The following NRXN3 variants were observed in gnomAD, a reference collection of about 807,000 sequenced individuals.
NRXN3 encodes the protein neurexin 3.
NRXN3 carries 32 observed loss-of-function variants against 137.6 expected under a neutral mutation model. The ratio of observed to expected loss-of-function variants is 0.23; its 90% confidence interval spans 0.18 to 0.31. The LOEUF (loss-of-function observed/expected upper bound fraction) is 0.31, where lower values mean the gene tolerates loss of function less well. NRXN3 is among the 10% of genes least tolerant of loss of function. The pLI is 1.00. For synonymous variants in NRXN3, 798 were observed against 784.5 expected, an observed-to-expected ratio of 1.02 and a Z score of -0.29; for missense variants, 1,574 against 2,062.5, an observed-to-expected ratio of 0.76 and a Z score of 4.59.
At chr14:78,638,651 G>T (rs950169540) in intron 4 of NRXN3, among the ~76,000 whole-genome samples, 2 of 152,162 alleles carry the variant, frequency 1.3e-5, no homozygotes, top group Non-Finnish European at 2.9e-5. Flanking sequence ...TAACTTGGAT[G>T]TCTGCTCACA....
At chr14:79,840,429 ACTC>A (rs33945598) in intron 20 of NRXN3, among the ~76,000 whole-genome samples, 2,714 of 152,118 alleles carry the variant, frequency 0.018, 81 homozygotes, top group African/African-American at 0.063. Flanking sequence ...TGCAATTATG[ACTC>A]CTAAGGCTTA....
intron 6 of NRXN3, among the ~76,000 whole-genome samples, chr14:78,672,276 CAGA>C (rs1328992065): frequency 1.3e-5 from 2 of 152,176 alleles, no homozygotes; most frequent in South Asian, 2.1e-4. Context: ...TTACTCTTAA[CAGA>C]AGAACAAATG....
At chr14:79,768,982 G>A (rs955310610) in intron 19 of NRXN3, among the ~76,000 whole-genome samples, 1 of 151,758 alleles carries the variant, frequency 6.6e-6, no homozygotes, top group African/African-American at 2.4e-5. Flanking sequence ...GAACGCAGAA[G>A]CCTCAGGAGC....
chr14:78,335,620 A>T (rs1370652289), intron 4 of NRXN3, among the ~76,000 whole-genome samples: 1 of 152,204 alleles, frequency 6.6e-6, no homozygotes. Context: ...AGCAGTTCCC[A>T]ATAGCCAGCA....
intron 8 of NRXN3, among the ~76,000 whole-genome samples, chr14:78,776,437 A>T (rs10145149): frequency 0.39 from 58,522 of 151,968 alleles, 16,855 homozygotes; most frequent in African/African-American, 0.82. Context: ...AGCAGATAAT[A>T]GTATTGGGGG....
chr14:79,654,607 A>AATC (rs1324761068), intron 16 of NRXN3, among the ~76,000 whole-genome samples: 7 of 152,178 alleles, frequency 4.6e-5, no homozygotes, highest in Non-Finnish European at 7.3e-5. Context: ...GCTCTAGGCC[A>AATC]ATCTATCTCC....
intron 16 of NRXN3, among the ~76,000 whole-genome samples, chr14:79,517,513 A>C (rs567971083): frequency 6.6e-6 from 1 of 152,084 alleles, no homozygotes; most frequent in Non-Finnish European, 1.5e-5. Context: ...TTATTTCGAC[A>C]CTTAATTAGA....
intron 15 of NRXN3, among the ~76,000 whole-genome samples, chr14:79,090,455 G>C (rs574150718): frequency 4.1e-4 from 63 of 152,052 alleles, no homozygotes; most frequent in African/African-American, 1.5e-3. Flanking sequence ...TTACACCCTG[G>C]GTTTGTTCTT....
At chr14:79,041,551 A>C (rs1476497137) in intron 15 of NRXN3, among the ~76,000 whole-genome samples, 1 of 152,204 alleles carries the variant, frequency 6.6e-6, no homozygotes, top group African/African-American at 2.4e-5. Flanking sequence ...TATGCTAAAA[A>C]ATTATTCAAC....
chr14:79,669,993 T>C (rs1362919425), intron 17 of NRXN3, among the ~76,000 whole-genome samples: 1 of 152,058 alleles, frequency 6.6e-6, no homozygotes, highest in Non-Finnish European at 1.5e-5. Context: ...CTGTTCAATG[T>C]GGTAGCCGCC....
intron 4 of NRXN3, among the ~76,000 whole-genome samples, chr14:78,501,685 C>G: frequency 6.6e-6 from 1 of 152,082 alleles, no homozygotes; most frequent in Non-Finnish European, 1.5e-5. Context: ...TGGAAGGTAT[C>G]TGATATGGAG....
In NRXN3 at chr14:79,377,303, A is replaced by G. The variant is rs114575721; in HGVS notation, c.3263-89918A>G. ...TATCAAAGCAATTGCATGAAGAAGA[A>G]ATTTGAGAAAGTACAACCCCTGGTA... On this transcript the variant is annotated intron_variant, in intron 15 of 20. Coordinates refer to ENST00000335750, the MANE Select transcript of NRXN3 (RefSeq NM_001330195.2). Among the ~76,000 whole-genome samples the G allele has an allele frequency of 6.9e-3, 1,044 of 152,336 alleles. 13 individuals carry two copies. The highest frequency in any genetic ancestry group is 0.023 in the African/African-American group (976 of 41,574).
At chr14:78,828,345 A>T (rs1486746587) in intron 10 of NRXN3, among the ~76,000 whole-genome samples, 1 of 152,352 alleles carries the variant, frequency 6.6e-6, no homozygotes, top group East Asian at 1.9e-4. Flanking sequence ...AATAAACTTC[A>T]TATCTGAATA....
At chr14:78,187,759 C>A (rs541703382) in intron 1 of NRXN3, among the ~76,000 whole-genome samples, 6 of 148,974 alleles carry the variant, frequency 4.0e-5, no homozygotes, top group African/African-American at 1.5e-4. Flanking sequence ...TCGGGGCTAA[C>A]TGAACTATTA....
intron 15 of NRXN3, among the ~76,000 whole-genome samples, chr14:79,156,260 C>T (rs2153047629): frequency 6.6e-6 from 1 of 151,992 alleles, no homozygotes; most frequent in South Asian, 2.1e-4. Flanking sequence ...TCTTAGTTTG[C>T]TGTGATCACA....
Position 78,264,449 on chromosome 14 carries a change from A to AG in NRXN3, c.710-14196_710-14195insG, listed in dbSNP as rs2071348463. Among the ~76,000 whole-genome samples, 2 of 152,242 alleles carry AG rather than the reference A, an allele frequency of 1.3e-5. 1 individual carries two copies. Among genetic ancestry groups the AG allele is most frequent in the African/African-American group, 4.8e-5 (2 of 41,532 alleles). ...AAATAAGCAGGACCAAAAAGGAAAA[A>AG]TCCTCTCTTGTGGAAAATTAGGTCA... On this transcript the variant is annotated intron_variant, in intron 2 of 20. Transcript: ENST00000335750.
chr14:79,834,983 G>T (rs762632544), intron 20 of NRXN3, among the ~76,000 whole-genome samples: 3 of 151,932 alleles, frequency 2.0e-5, no homozygotes, highest in African/African-American at 7.3e-5. Flanking sequence ...CATAACCACC[G>T]TTCTACTCTA....
At chr14:79,394,075 A>G (rs1599664933) in intron 15 of NRXN3, among the ~76,000 whole-genome samples, 1 of 152,216 alleles carries the variant, frequency 6.6e-6, no homozygotes, top group Non-Finnish European at 1.5e-5. Context: ...AAAACAAATC[A>G]TAGTATTAGG....
chr14:79,415,403 C>T (rs2095482056), intron 15 of NRXN3, among the ~76,000 whole-genome samples: 1 of 151,404 alleles, frequency 6.6e-6, no homozygotes, highest in Admixed American at 6.6e-5. Context: ...TTAGCATTTA[C>T]ATTGTATTAG....
Sources: gnomAD v4.1 joint callset for allele counts (sites outside exome capture counted in the v4.1 genomes callset) on GRCh38, gnomAD v4.1.1 for gene constraint, MANE v1.5 for transcripts, NCBI Gene and HGNC (gene_info 2026-07-23, HGNC 2026-07-21) for gene names.